The following CAGE1 variants were observed in gnomAD, a reference collection of about 807,000 sequenced individuals.
The protein encoded by CAGE1 is cancer-associated gene 1 protein.
In CAGE1, 66 loss-of-function variants were observed where a neutral mutation model predicts 94.9. The observed-to-expected ratio is 0.70, with a 90% CI of 0.57 to 0.85. The LOEUF is 0.85. Among genes scored for constraint, CAGE1 ranks in the 40% least tolerant of loss-of-function variants. The probability of loss-of-function intolerance (pLI) is 0.00; values close to 1 mark genes in which losing one functional copy is unlikely to be tolerated. For missense variants in CAGE1, 865 were observed against 950.4 expected, an observed-to-expected ratio of 0.91 and a Z score of 1.18; for synonymous variants, 319 against 321.0, an observed-to-expected ratio of 0.99 and a Z score of 0.07.
At chr6:7,367,407 CTAGGA>C (rs1760383013) in intron 7 of CAGE1, among the ~76,000 whole-genome samples, 1 of 151,818 alleles carries the variant, frequency 6.6e-6, no homozygotes, top group South Asian at 2.1e-4. Flanking sequence ...TCCGGAATAG[CTAGGA>C]CACAGGTGTG....
intron 13 of CAGE1, among the ~76,000 whole-genome samples, chr6:7,328,913 TG>T (rs1758631681): frequency 2.8e-5 from 2 of 71,144 alleles, no homozygotes; most frequent in South Asian, 4.6e-4. Context: ...TGTGTGTGTG[TG>T]TGTGTATATA....
chr6:7,343,176 G>T (rs1426620680), intron 11 of CAGE1, among the ~76,000 whole-genome samples: 1 of 98,952 alleles, frequency 1.0e-5, no homozygotes, highest in Non-Finnish European at 2.1e-5. Flanking sequence ...GCGACAGTGC[G>T]AGACTCTGTC....
At chr6:7,331,411 C>A in intron 12 of CAGE1, 1 of 678,680 alleles carries the variant, frequency 1.5e-6, no homozygotes, top group South Asian at 2.3e-5. Context: ...CTGGCATAAC[C>A]AATGATAAGG....
rs930667863 is a variant in CAGE1 at position 7,387,037 on chromosome 6, A to T, written c.137T>A (p.Met46Lys). The change falls in exon 2 of 14, where the codon ATG becomes AAG. Residue 46 changes from methionine to lysine, a missense_variant. Physicochemically the swap from Met to Lys is moderately conservative, Grantham distance 95. Coordinates refer to ENST00000502583, the MANE Select transcript of CAGE1 (RefSeq NM_001170692.2). ...CATACAGATTGGAGAATGTGAAAGC[A>T]TTACACCTTGAGAAAGATTGCTGAC... ...MNVSNLSQGV[M>K]LSHSPICMET... 6.4e-7 allele frequency: 1 copy of T among 1,551,976 alleles called. No individual in the cohort carries two copies. Among genetic ancestry groups the T allele is most frequent in the East Asian group, 2.4e-5 (1 of 40,936 alleles).
At chr6:7,338,641 AC>A (rs923329532) in intron 11 of CAGE1, among the ~76,000 whole-genome samples, 1 of 152,078 alleles carries the variant, frequency 6.6e-6, no homozygotes, top group Non-Finnish European at 1.5e-5. Context: ...TTTGCCATTT[AC>A]TTTTACCTGC....
At chr6:7,381,429 G>A (rs945602071) in intron 3 of CAGE1, among the ~76,000 whole-genome samples, 1 of 152,178 alleles carries the variant, frequency 6.6e-6, no homozygotes, top group African/African-American at 2.4e-5. Flanking sequence ...CTCTAAGAAT[G>A]AGAAAATCAA....
intron 3 of CAGE1, among the ~76,000 whole-genome samples, 155 bp from the exon 4 acceptor site, chr6:7,379,175 G>A (rs1581697840): frequency 6.6e-6 from 1 of 152,124 alleles, no homozygotes; most frequent in East Asian, 1.9e-4. Context: ...GCATGGTTTT[G>A]TGCTAGCAAA....
chr6:7,384,531 C>G (rs1185164993), intron 3 of CAGE1, among the ~76,000 whole-genome samples: 4 of 152,018 alleles, frequency 2.6e-5, no homozygotes, highest in Admixed American at 6.6e-5. Context: ...CTTTGGGACA[C>G]CGAGGCAGGA....
chr6:7,369,542 A>C (rs1026463387), intron 6 of CAGE1, among the ~76,000 whole-genome samples: 2 of 152,040 alleles, frequency 1.3e-5, no homozygotes, highest in African/African-American at 4.8e-5. Flanking sequence ...TCCTAACCAA[A>C]CGTGGTATTT....
intron 9 of CAGE1, among the ~76,000 whole-genome samples, chr6:7,363,931 A>G (rs1381470987): frequency 3.9e-5 from 6 of 152,224 alleles, no homozygotes; most frequent in Non-Finnish European, 8.8e-5. Flanking sequence ...AATAGCTTAC[A>G]TTCTTCAATA....
At chr6:7,335,295 G>C (rs1414826251) in intron 11 of CAGE1, among the ~76,000 whole-genome samples, 1 of 152,188 alleles carries the variant, frequency 6.6e-6, no homozygotes, top group South Asian at 2.1e-4. Flanking sequence ...ACAGGTTCTA[G>C]TGATTAGAAC....
At chr6:7,330,680 A>G (rs1400648065) in intron 12 of CAGE1, among the ~76,000 whole-genome samples, 1 of 152,198 alleles carries the variant, frequency 6.6e-6, no homozygotes, top group Non-Finnish European at 1.5e-5. Context: ...ACTGAGATCA[A>G]TTGGGCCAGT....
At chr6:7,346,643 T>TA (rs1418705559) in intron 11 of CAGE1, among the ~76,000 whole-genome samples, 1 of 151,904 alleles carries the variant, frequency 6.6e-6, no homozygotes, top group African/African-American at 2.4e-5. Flanking sequence ...GGCCAAAAGT[T>TA]AGAGACCAGC....
At chr6:7,340,043 A>G (rs1759108452) in intron 11 of CAGE1, among the ~76,000 whole-genome samples, 1 of 152,322 alleles carries the variant, frequency 6.6e-6, no homozygotes, top group East Asian at 1.9e-4. Flanking sequence ...CCAGCAGTGT[A>G]GAAGTGTTCC....
At chr6:7,347,515 T>TGGGGGG (rs1561853738) in intron 11 of CAGE1, 6 of 15,348 alleles carry the variant, frequency 3.9e-4, no homozygotes, top group Non-Finnish European at 4.9e-4. Context: ...GGGGGGGGGG[T>TGGGGGG]TGGGGGGGGC....
rs748132639 is a variant in CAGE1 at position 7,387,179 on chromosome 6, T to C, written c.-6A>G. On this transcript the variant is annotated 5_prime_UTR_variant, in exon 2 of 14. Transcript: ENST00000502583. ...TTTTGATAGTCCTTGTTCATAACTG[T>C]TGAACAATAGAAGACTTCTTTAAAA... 2.8e-5 allele frequency: 44 copies of C among 1,544,270 alleles called. No individual in the cohort carries two copies. The highest frequency in any genetic ancestry group is 3.5e-5 in the Non-Finnish European group (40 of 1,143,166).
intron 13 of CAGE1, among the ~76,000 whole-genome samples, chr6:7,328,902 GTGTGT>G (rs2113333037): frequency 1.1e-5 from 1 of 92,874 alleles, no homozygotes; most frequent in South Asian, 3.8e-4. Context: ...GTGTGTGTGT[GTGTGT>G]GTGTGTGTGT....
intron 12 of CAGE1, among the ~76,000 whole-genome samples, chr6:7,333,676 A>AC (rs1561846200): frequency 3.7e-5 from 2 of 53,664 alleles, no homozygotes; most frequent in Non-Finnish European, 6.6e-5. Context: ...ATATATATAC[A>AC]TTTTTTTTTT....
intron 7 of CAGE1, 76 bp downstream of exon 7, chr6:7,368,612 G>A: frequency 1.3e-6 from 1 of 748,344 alleles, no homozygotes; most frequent in Non-Finnish European, 2.1e-6. Context: ...AACTTTAAGA[G>A]TTACTTCTTC....
Sources: allele counts gnomAD v4.1 joint callset (sites outside exome capture counted in the v4.1 genomes callset), GRCh38; gene constraint gnomAD v4.1.1; transcripts MANE v1.5; gene names NCBI Gene and HGNC (gene_info 2026-07-23, HGNC 2026-07-21).